NRXN1: variants seen among roughly 807,000 people sequenced by gnomAD.
NRXN1 encodes the protein neurexin-1.
Under a neutral mutation model 150.9 loss-of-function variants are expected in NRXN1, and 39 were observed. That is an observed-to-expected ratio of 0.26 (90% CI 0.20 to 0.34). The LOEUF (loss-of-function observed/expected upper bound fraction) is 0.34. Among genes scored for constraint, NRXN1 ranks in the 10% least tolerant of loss-of-function variants. The pLI is 1.00. For synonymous variants in NRXN1, 924 were observed against 757.0 expected, an observed-to-expected ratio of 1.22 and a Z score of -3.62; for missense variants, 1,815 against 1,949.9, an observed-to-expected ratio of 0.93 and a Z score of 1.30.
chr2:50,471,585 T>C (rs1045220427), intron 16 of NRXN1, among the ~76,000 whole-genome samples: 1 of 151,838 alleles, frequency 6.6e-6, no homozygotes, highest in Admixed American at 6.6e-5. Context: ...GATGTCTTTC[T>C]GACATAGTGA....
At chr2:50,693,499 G>A (rs1442159201) in intron 5 of NRXN1, among the ~76,000 whole-genome samples, 12 of 152,040 alleles carry the variant, frequency 7.9e-5, no homozygotes, top group Non-Finnish European at 1.2e-4. Context: ...CTACAATTGC[G>A]TGCAAAGGTC....
At chr2:50,667,814 T>G (rs754239760) in intron 5 of NRXN1, among the ~76,000 whole-genome samples, 1 of 152,030 alleles carries the variant, frequency 6.6e-6, no homozygotes, top group Non-Finnish European at 1.5e-5. Context: ...CTAACTGCAT[T>G]AAAAGTTCCC....
chr2:49,945,629 T>TA (rs1296897375), intron 21 of NRXN1, among the ~76,000 whole-genome samples: 1 of 152,052 alleles, frequency 6.6e-6, no homozygotes, highest in Non-Finnish European at 1.5e-5. Context: ...TGAGTGAGAA[T>TA]ATGCAGTGTT....
intron 5 of NRXN1, among the ~76,000 whole-genome samples, chr2:50,913,720 A>T (rs1456537089): frequency 1.3e-5 from 2 of 151,930 alleles, no homozygotes; most frequent in African/African-American, 2.4e-5. Flanking sequence ...CCTATTGTGA[A>T]TGGACTATCA....
At chr2:50,953,369 G>A (rs1370490295) in intron 2 of NRXN1, among the ~76,000 whole-genome samples, 1 of 152,118 alleles carries the variant, frequency 6.6e-6, no homozygotes, top group African/African-American at 2.4e-5. Context: ...AATAAGTATA[G>A]TTCATTTTCA....
intron 17 of NRXN1, among the ~76,000 whole-genome samples, chr2:50,350,470 C>T (rs2078329927): frequency 6.6e-6 from 1 of 152,146 alleles, no homozygotes; most frequent in Non-Finnish European, 1.5e-5. Context: ...TAGTCTTGTT[C>T]AACTTCAGCC....
chr2:49,996,629 G>C (rs79999763), intron 21 of NRXN1, among the ~76,000 whole-genome samples: 46 of 152,294 alleles, frequency 3.0e-4, no homozygotes, highest in South Asian at 8.3e-4. Context: ...CAGAGAGAGA[G>C]CTATACTAAT....
intron 18 of NRXN1, among the ~76,000 whole-genome samples, chr2:50,154,223 ATCT>A (rs1167135205): frequency 6.6e-6 from 1 of 151,640 alleles, no homozygotes; most frequent in Non-Finnish European, 1.5e-5. Flanking sequence ...TCAGATAAAG[ATCT>A]GAATAAAAAA....
intron 5 of NRXN1, among the ~76,000 whole-genome samples, chr2:50,843,864 T>G (rs529263710): frequency 5.7e-4 from 87 of 152,282 alleles, no homozygotes; most frequent in African/African-American, 1.7e-3. Context: ...CACAATGCTA[T>G]TTCCACCAAT....
chr2:50,684,313 G>C (rs1255029857), intron 5 of NRXN1, among the ~76,000 whole-genome samples: 2 of 152,040 alleles, frequency 1.3e-5, no homozygotes, highest in Non-Finnish European at 2.9e-5. Flanking sequence ...GACAAGCCTG[G>C]ACAACAAGTT....
chr2:50,344,010 AT>A (rs915334845), intron 17 of NRXN1, among the ~76,000 whole-genome samples: 1 of 152,178 alleles, frequency 6.6e-6, no homozygotes, highest in African/African-American at 2.4e-5. Context: ...TCATATTGTC[AT>A]TAACGTTTGT....
At chr2:50,039,414 C>A (rs141071309) in intron 21 of NRXN1, among the ~76,000 whole-genome samples, 123 of 152,170 alleles carry the variant, frequency 8.1e-4, no homozygotes, top group African/African-American at 2.8e-3. Flanking sequence ...TGCAGTGAGC[C>A]GAGATCATGC....
intron 17 of NRXN1, among the ~76,000 whole-genome samples, chr2:50,458,573 G>T (rs2087827877): frequency 7.3e-6 from 1 of 136,864 alleles, no homozygotes; most frequent in Non-Finnish European, 1.5e-5. Flanking sequence ...CAACTATCAT[G>T]TATTCATAAT....
chr2:50,862,966 A>C (rs997300831), intron 5 of NRXN1, among the ~76,000 whole-genome samples: 21 of 152,034 alleles, frequency 1.4e-4, no homozygotes, highest in African/African-American at 5.1e-4. Flanking sequence ...TATAAAAACC[A>C]GAGTTTCATA....
At chr2:50,868,140 A>AC (rs1677202237) in intron 5 of NRXN1, among the ~76,000 whole-genome samples, 2 of 84,752 alleles carry the variant, frequency 2.4e-5, no homozygotes, top group Admixed American at 1.5e-4. Flanking sequence ...TAAACAAAAT[A>AC]TTATATATAT....
At chr2:50,906,913 G>A (rs562815614) in intron 5 of NRXN1, among the ~76,000 whole-genome samples, 4 of 152,040 alleles carry the variant, frequency 2.6e-5, no homozygotes, top group African/African-American at 9.6e-5. Flanking sequence ...TGAGTACTTG[G>A]AACTGAAGGA....
chr2:50,920,604 A>G (rs1685878261), intron 5 of NRXN1, among the ~76,000 whole-genome samples: 1 of 151,768 alleles, frequency 6.6e-6, no homozygotes, highest in African/African-American at 2.4e-5. Flanking sequence ...TCCACAAACT[A>G]AAGAACATGA....
intron 5 of NRXN1, among the ~76,000 whole-genome samples, chr2:50,739,975 T>C (rs913326544): frequency 5.3e-5 from 8 of 152,216 alleles, no homozygotes. Context: ...TGTCATCAGT[T>C]GATGCTGATT....
intron 2 of NRXN1, among the ~76,000 whole-genome samples, chr2:50,984,508 G>T (rs1026220648): frequency 1.2e-4 from 18 of 151,910 alleles, no homozygotes; most frequent in African/African-American, 4.1e-4. Context: ...TATATACAGG[G>T]TATTAGATTT....
Sources: gnomAD v4.1 joint callset for allele counts (sites outside exome capture counted in the v4.1 genomes callset) on GRCh38, gnomAD v4.1.1 for gene constraint, MANE v1.5 for transcripts, NCBI Gene and HGNC (gene_info 2026-07-23, HGNC 2026-07-21) for gene names.